NMNAT3: variants seen among roughly 807,000 people sequenced by gnomAD.
The protein encoded by NMNAT3 is nicotinamide nucleotide adenylyltransferase 3.
In NMNAT3, 21 loss-of-function variants were observed where a neutral mutation model predicts 24.8. That is an observed-to-expected ratio of 0.85 (90% CI 0.60 to 1.22). The LOEUF (loss-of-function observed/expected upper bound fraction) is 1.22, where lower values mean the gene tolerates loss of function less well. Ranked by LOEUF, NMNAT3 falls within the 50% of genes most tolerant of loss-of-function variation. The pLI is 0.00. For missense variants in NMNAT3, 387 were observed against 436.6 expected (o/e 0.89, Z 1.01); for synonymous variants, 136 against 155.2 (o/e 0.88, Z 0.92).
chr3:139,620,604 T>C (rs928555208), intron 3 of NMNAT3, among the ~76,000 whole-genome samples: 2 of 152,236 alleles, frequency 1.3e-5, no homozygotes, highest in African/African-American at 2.4e-5. Flanking sequence ...GAGGCTACTA[T>C]AATTAAAGCT....
chr3:139,621,439 T>C (rs1047945760), intron 3 of NMNAT3, among the ~76,000 whole-genome samples: 27 of 152,216 alleles, frequency 1.8e-4, no homozygotes, highest in African/African-American at 6.5e-4. Context: ...TGCAGTGACA[T>C]GATCTCGGCT....
intron 4 of NMNAT3, among the ~76,000 whole-genome samples, chr3:139,581,234 TG>T (rs1940128218): frequency 6.6e-6 from 1 of 152,154 alleles, no homozygotes; most frequent in Admixed American, 6.5e-5. Flanking sequence ...AAATGCTATA[TG>T]GGGGGAAGCT....
At chr3:139,591,379 A>G (rs1042029458) in intron 3 of NMNAT3, among the ~76,000 whole-genome samples, 12 of 152,192 alleles carry the variant, frequency 7.9e-5, no homozygotes, top group East Asian at 1.9e-4. Context: ...CAAGGCGGCA[A>G]CGAGGCTCGG....
Position 139,613,161 on chromosome 3 carries a change from G to A in NMNAT3, c.109+14455C>T, listed in dbSNP as rs1023390899. Reference sequence around the variant, plus strand: ...GATCTAATTAAACTAAAGAGCTTCCGCACAGCAAAAGAAACTACCATCAGA... The same window carrying A: ...GATCTAATTAAACTAAAGAGCTTCCACACAGCAAAAGAAACTACCATCAGA... On this transcript the variant is annotated intron_variant, in intron 3 of 6. Transcript: ENST00000643695. Among the ~76,000 whole-genome samples the A allele has an allele frequency of 8.5e-5, 13 of 152,128 alleles. 1 individual carries two copies. The highest frequency in any genetic ancestry group is 2.4e-4 in the African/African-American group (10 of 41,420).
At chr3:139,648,121 T>C (rs1469103490) in intron 1 of NMNAT3, among the ~76,000 whole-genome samples, 1 of 152,048 alleles carries the variant, frequency 6.6e-6, no homozygotes, top group Non-Finnish European at 1.5e-5. Flanking sequence ...GGGAGGTGAG[T>C]GGATCCTGGG....
chr3:139,657,449 C>T (rs997455480), intron 1 of NMNAT3, among the ~76,000 whole-genome samples: 8 of 152,188 alleles, frequency 5.3e-5, no homozygotes, highest in African/African-American at 1.9e-4. Context: ...TCTTCTCTAG[C>T]GAAGGCAATG....
At chr3:139,641,912 C>T (rs2056716781) in intron 1 of NMNAT3, among the ~76,000 whole-genome samples, 1 of 152,162 alleles carries the variant, frequency 6.6e-6, no homozygotes, top group Non-Finnish European at 1.5e-5. Flanking sequence ...TAGCACCACA[C>T]CTACCATGGA....
intron 6 of NMNAT3, among the ~76,000 whole-genome samples, chr3:139,563,900 C>T (rs188228848): frequency 5.3e-5 from 8 of 152,268 alleles, no homozygotes; most frequent in Admixed American, 4.6e-4. Context: ...AATGGGATGT[C>T]CATAGGCATT....
intron 6 of NMNAT3, chr3:139,572,102 C>A (rs538413274): frequency 2.5e-6 from 1 of 398,998 alleles, no homozygotes; most frequent in African/African-American, 2.1e-5. Context: ...CATGCCTGGA[C>A]TCACCTCCAT....
At chr3:139,600,695 T>C (rs1428808034) in intron 3 of NMNAT3, among the ~76,000 whole-genome samples, 4 of 152,210 alleles carry the variant, frequency 2.6e-5, no homozygotes, top group Non-Finnish European at 5.9e-5. Flanking sequence ...AGGATGTTTT[T>C]GTTTCTTCTT....
intron 3 of NMNAT3, among the ~76,000 whole-genome samples, chr3:139,601,776 A>G (rs1172337716): frequency 2.6e-5 from 4 of 152,284 alleles, no homozygotes; most frequent in Admixed American, 6.5e-5. Context: ...GAAACACATG[A>G]GGGAAGTGTC....
intron 1 of NMNAT3, chr3:139,672,769 T>C (rs1198424378): frequency 1.3e-5 from 2 of 152,258 alleles, no homozygotes; most frequent in African/African-American, 2.4e-5. Flanking sequence ...AACTCTCTAA[T>C]AATATTCAAG....
At chr3:139,593,070 A>C (rs1031103518) in intron 3 of NMNAT3, among the ~76,000 whole-genome samples, 20 of 152,192 alleles carry the variant, frequency 1.3e-4, no homozygotes, top group Admixed American at 2.0e-4. Flanking sequence ...GTATTCAGGA[A>C]ACCCATCTCA....
chr3:139,644,026 C>A (rs76174229), intron 1 of NMNAT3, among the ~76,000 whole-genome samples: 1,830 of 152,272 alleles, frequency 0.012, 35 homozygotes, highest in African/African-American at 0.042. Context: ...GTTGCCTATA[C>A]CAAGAGAATC....
chr3:139,622,840 T>A (rs979464824), intron 3 of NMNAT3, among the ~76,000 whole-genome samples: 19 of 117,810 alleles, frequency 1.6e-4, no homozygotes, highest in African/African-American at 5.2e-4. Context: ...TAATATATAT[T>A]ATATATATTA....
At chr3:139,590,977 G>A (rs886172082) in intron 3 of NMNAT3, among the ~76,000 whole-genome samples, 2 of 152,158 alleles carry the variant, frequency 1.3e-5, no homozygotes, top group Admixed American at 6.5e-5. Flanking sequence ...CAAGATGGCC[G>A]AATAGGAACA....
chr3:139,599,124 A>T (rs1044787097), intron 3 of NMNAT3: 1 of 563,244 alleles, frequency 1.8e-6, no homozygotes, highest in Non-Finnish European at 3.1e-6. Flanking sequence ...CAAACTGTAA[A>T]GACTTCATTA....
At position 139,560,265 on chromosome 3, in the gene NMNAT3, A is replaced by G. The variant is rs754061028; in HGVS notation, c.*745T>C. 1 of 152,672 alleles carries G rather than the reference A, an allele frequency of 6.5e-6. No homozygotes were observed. The highest frequency in any genetic ancestry group is 1.9e-4 in the East Asian group (1 of 5,202). The allele number at this position is 152,672 out of a possible 1,614,324, so 9.5% of individuals were successfully genotyped here. On this transcript the variant is annotated 3_prime_UTR_variant, in exon 7 of 7. Transcript: ENST00000643695. ...GACAGGCAGTCATAAAACATTAAAA[A>G]AGATCCTTTAAAACGGTCAGGCATC...
intron 3 of NMNAT3, among the ~76,000 whole-genome samples, chr3:139,596,454 T>C (rs574511045): frequency 6.6e-6 from 1 of 152,270 alleles, no homozygotes; most frequent in East Asian, 1.9e-4. Flanking sequence ...CTTAAGTGAC[T>C]ATGTTGTTTT....
Sources: gnomAD v4.1 joint callset for allele counts (sites outside exome capture counted in the v4.1 genomes callset) on GRCh38, gnomAD v4.1.1 for gene constraint, MANE v1.5 for transcripts, NCBI Gene and HGNC (gene_info 2026-07-23, HGNC 2026-07-21) for gene names.